Variants in CNOT10 observed in about 807,000 individuals in gnomAD.
CNOT10 encodes CCR4-NOT transcription complex subunit 10, also known as CCR4-NOT transcription complex, subunit 10.
A neutral mutation model predicts 94.6 loss-of-function variants in CNOT10; 30 were observed. The ratio of observed to expected loss-of-function variants is 0.32; its 90% CI spans 0.24 to 0.43. CNOT10 has a LOEUF of 0.43. Among genes scored for constraint, CNOT10 ranks in the 20% least tolerant of loss-of-function variants. CNOT10 has a pLI of 1.00. For synonymous variants in CNOT10, 289 were observed against 301.6 expected (o/e 0.96, Z 0.43); for missense variants, 759 against 877.2 (o/e 0.87, Z 1.70).
chr3:32,770,313 TGAG>T (rs531551441), intron 18 of CNOT10, among the ~76,000 whole-genome samples: 41 of 133,592 alleles, frequency 3.1e-4, no homozygotes, highest in African/African-American at 1.1e-3. Context: ...CAGCCAAGGC[TGAG>T]ATTTTTTTTT....
intron 14 of CNOT10, 47 bp downstream of exon 14, chr3:32,759,618 G>T: frequency 7.3e-7 from 1 of 1,371,188 alleles, no homozygotes; most frequent in East Asian, 2.3e-5. Context: ...TAGTTTTGAG[G>T]TTTCTCCTTG....
chr3:32,747,339 C>T (rs747772370), intron 13 of CNOT10, among the ~76,000 whole-genome samples: 4 of 151,964 alleles, frequency 2.6e-5, no homozygotes, highest in African/African-American at 9.7e-5. Flanking sequence ...ATCGCTTGAA[C>T]CCAGGAGGTG....
chr3:32,737,351 T>C (rs549952563), intron 12 of CNOT10, 59 bp from the exon 13 acceptor site: 3 of 1,296,812 alleles, frequency 2.3e-6, no homozygotes, highest in Non-Finnish European at 3.3e-6. Context: ...GAAACAAAAT[T>C]TTACGTTTAA....
At position 32,685,460 on chromosome 3, in the gene CNOT10, G is replaced by A. The variant is rs182909795; in HGVS notation, c.-1G>A. On this transcript the variant is annotated 5_prime_UTR_variant, in exon 1 of 19. Coordinates refer to ENST00000328834, the MANE Select transcript of CNOT10 (RefSeq NM_015442.3). ...GGAAGAACCCGAGTCGAAGCGGGAA[G>A]ATGGCTGCAGACAAGCCTGCAGGTA... is the stretch of plus-strand genomic sequence containing the variant. The A allele has an allele frequency of 9.5e-5, 147 of 1,550,384 alleles. No individual in the cohort carries two copies. In the African/African-American group the frequency reaches 1.6e-3, roughly 17 times the overall value.
chr3:32,737,558 C>T (rs1179863694), intron 13 of CNOT10, 68 bp downstream of exon 13: 6 of 994,192 alleles, frequency 6.0e-6, no homozygotes, highest in South Asian at 5.7e-5. Flanking sequence ...GGCACAGTGG[C>T]TCATACCTCT....
At chr3:32,698,168 G>GT (rs1426458914) in intron 1 of CNOT10, among the ~76,000 whole-genome samples, 1 of 152,124 alleles carries the variant, frequency 6.6e-6, no homozygotes, top group Non-Finnish European at 1.5e-5. Flanking sequence ...AGAAAAAACT[G>GT]TTTAACATTG....
intron 13 of CNOT10, chr3:32,753,792 C>T (rs561032910): frequency 6.9e-5 from 111 of 1,597,162 alleles, no homozygotes; most frequent in Non-Finnish European, 9.0e-5. Context: ...GTGCCATGAA[C>T]AGATCCTTTA....
chr3:32,709,807 T>G (rs953230347), intron 4 of CNOT10, among the ~76,000 whole-genome samples: 1 of 152,204 alleles, frequency 6.6e-6, no homozygotes, highest in African/African-American at 2.4e-5. Context: ...TTATTGATGC[T>G]TCTTAGAATT....
intron 3 of CNOT10, 120 bp from the exon 4 acceptor site, chr3:32,708,550 G>T: frequency 1.3e-6 from 1 of 780,656 alleles, no homozygotes; most frequent in Non-Finnish European, 2.0e-6. Context: ...ACTGTTGAAA[G>T]TATGGAAAAA....
chr3:32,720,859 C>T (rs111384104), intron 8 of CNOT10, among the ~76,000 whole-genome samples: 4,658 of 137,860 alleles, frequency 0.034, 145 homozygotes, highest in Middle Eastern at 0.07. Context: ...CTCCCTTCCT[C>T]CCTTCCCTCC....
At chr3:32,738,127 A>G (rs1699277048) in intron 13 of CNOT10, among the ~76,000 whole-genome samples, 1 of 152,142 alleles carries the variant, frequency 6.6e-6, no homozygotes, top group Non-Finnish European at 1.5e-5. Context: ...TCTGTGTAAG[A>G]TAGGTATTAC....
At chr3:32,748,161 G>A (rs1036867010) in intron 13 of CNOT10, among the ~76,000 whole-genome samples, 2 of 152,088 alleles carry the variant, frequency 1.3e-5, no homozygotes, top group African/African-American at 4.8e-5. Flanking sequence ...GTTGGCTATG[G>A]CTCTAATTAT....
chr3:32,709,571 C>T (rs543691975), intron 4 of CNOT10, among the ~76,000 whole-genome samples: 1 of 152,062 alleles, frequency 6.6e-6, no homozygotes, highest in Non-Finnish European at 1.5e-5. Flanking sequence ...GTAGAGAGTC[C>T]CCTTTTGCTG....
chr3:32,705,933 C>G (rs1329107012), intron 3 of CNOT10, among the ~76,000 whole-genome samples: 1 of 152,186 alleles, frequency 6.6e-6, no homozygotes, highest in African/African-American at 2.4e-5. Context: ...TGAATGCATA[C>G]TGGGTGCCAA....
intron 13 of CNOT10, among the ~76,000 whole-genome samples, chr3:32,742,156 A>G (rs971389623): frequency 6.6e-5 from 10 of 151,714 alleles, no homozygotes; most frequent in African/African-American, 2.2e-4. Context: ...GGGTTTCACC[A>G]TGTTGGCCAG....
chr3:32,711,350 C>G (rs534866460), intron 4 of CNOT10, among the ~76,000 whole-genome samples: 1 of 152,168 alleles, frequency 6.6e-6, no homozygotes, highest in East Asian at 1.9e-4. Flanking sequence ...ACTTATAATA[C>G]CTAATACACT....
At chr3:32,702,555 C>T (rs1033090336) in intron 1 of CNOT10, among the ~76,000 whole-genome samples, 6 of 152,262 alleles carry the variant, frequency 3.9e-5, no homozygotes, top group Admixed American at 3.9e-4. Flanking sequence ...GATTTCTGAG[C>T]CTATGAAAAT....
At chr3:32,717,129 C>G in intron 6 of CNOT10, 25 bp from the exon 7 acceptor site, 2 of 1,388,240 alleles carry the variant, frequency 1.4e-6, no homozygotes, top group African/African-American at 2.9e-5. Context: ...ATAGTTTTAA[C>G]ATACTAACAT....
At chr3:32,689,042 A>G (rs913009819) in intron 1 of CNOT10, among the ~76,000 whole-genome samples, 1 of 151,934 alleles carries the variant, frequency 6.6e-6, no homozygotes, top group Non-Finnish European at 1.5e-5. Flanking sequence ...GTCTCTACTA[A>G]AAATACAAAA....
Sources: gnomAD v4.1 joint callset for allele counts (sites outside exome capture counted in the v4.1 genomes callset) on GRCh38, gnomAD v4.1.1 for gene constraint, MANE v1.5 for transcripts, NCBI Gene and HGNC (gene_info 2026-07-23, HGNC 2026-07-21) for gene names.